The following SPHKAP variants were observed in gnomAD, a reference collection of about 807,000 sequenced individuals.
SPHKAP encodes SPHK1 interactor, AKAP domain containing.
A neutral mutation model predicts 137.5 loss-of-function variants in SPHKAP; 67 were observed. The ratio of observed to expected loss-of-function variants is 0.49; its 90% CI spans 0.40 to 0.60. The LOEUF (loss-of-function observed/expected upper bound fraction) is 0.60. Among genes scored for constraint, SPHKAP ranks in the 20% least tolerant of loss-of-function variants. SPHKAP has a pLI of 0.00. For missense variants in SPHKAP, 2,097 were observed against 2,069.3 expected, an observed-to-expected ratio of 1.01 and a Z score of -0.26; for synonymous variants, 813 against 785.3, an observed-to-expected ratio of 1.04 and a Z score of -0.59.
At chr2:228,016,299 G>A in intron 7 of SPHKAP, 107 bp downstream of exon 7, 1 of 1,432,088 alleles carries the variant, frequency 7.0e-7, no homozygotes, top group South Asian at 1.6e-5. Context: ...TGAAAATTTA[G>A]TTCTTGCACC....
chr2:227,990,886 G>C, intron 11 of SPHKAP, 114 bp downstream of exon 11: 1 of 1,062,286 alleles, frequency 9.4e-7, no homozygotes, highest in Non-Finnish European at 1.4e-6. Context: ...TTAAGATCAA[G>C]AACAGTCAGG....
intron 1 of SPHKAP, among the ~76,000 whole-genome samples, chr2:228,143,535 G>A (rs376974211): frequency 1.3e-5 from 2 of 151,000 alleles, no homozygotes; most frequent in African/African-American, 2.4e-5. Context: ...TCACTCTGTC[G>A]CCCAGGCTGG....
intron 7 of SPHKAP, among the ~76,000 whole-genome samples, chr2:228,012,876 T>A (rs974962733): frequency 6.6e-6 from 1 of 152,246 alleles, no homozygotes; most frequent in Non-Finnish European, 1.5e-5. Context: ...AGAAGTCCAA[T>A]AAATTCTGAA....
At chr2:227,999,877 C>G (rs1244195178) in intron 7 of SPHKAP, among the ~76,000 whole-genome samples, 2 of 152,190 alleles carry the variant, frequency 1.3e-5, no homozygotes, top group Admixed American at 1.3e-4. Flanking sequence ...ATTCAGAAGA[C>G]TATGTCATAT....
chr2:228,057,013 T>C (rs1421935614), intron 3 of SPHKAP, among the ~76,000 whole-genome samples: 1 of 152,184 alleles, frequency 6.6e-6, no homozygotes, highest in African/African-American at 2.4e-5. Context: ...AACTTAAGCA[T>C]GCGCTCTCAA....
At chr2:228,140,451 T>C (rs1699570086) in intron 1 of SPHKAP, among the ~76,000 whole-genome samples, 1 of 152,172 alleles carries the variant, frequency 6.6e-6, no homozygotes, top group Non-Finnish European at 1.5e-5. Context: ...CTCTGATATA[T>C]GATCTTCTTC....
At chr2:228,149,638 G>A (rs112488610) in intron 1 of SPHKAP, among the ~76,000 whole-genome samples, 1 of 152,126 alleles carries the variant, frequency 6.6e-6, no homozygotes, top group Non-Finnish European at 1.5e-5. Context: ...ATTCTCTCTG[G>A]AAAGGTCTTG....
At chr2:228,036,860 A>G (rs1695633321) in intron 3 of SPHKAP, among the ~76,000 whole-genome samples, 1 of 151,816 alleles carries the variant, frequency 6.6e-6, no homozygotes, top group African/African-American at 2.4e-5. Flanking sequence ...AGGAAGGGGA[A>G]CATCACACTC....
rs778532561 is a variant in SPHKAP, at chr2:228,017,503, G to A, written c.3351C>T (p.Ser1117=). 3.1e-6 allele frequency: 5 copies of A among 1,613,472 alleles called. No individual in the cohort carries two copies. The highest frequency in any genetic ancestry group is 4.2e-6 in the Non-Finnish European group (5 of 1,179,836). Residue 1117 remains serine (S), a synonymous_variant, in exon 7 of 12, where the codon TCC becomes TCT. Transcript: ENST00000392056. ...TGATGCTCTCACAGCTCGACTGCTTGGAGACAGAGCTGGCCCTGCTGACCG... is the reference window on the plus strand; with the variant it reads ...TGATGCTCTCACAGCTCGACTGCTTAGAGACAGAGCTGGCCCTGCTGACCG... The part of the protein sequence containing the change: ...SQPVSRASSV[S]KQSSCESITD...
In SPHKAP at chr2:228,018,677, T is replaced by C; in HGVS notation, c.2177A>G (p.His726Arg). Residue 726 changes from histidine to arginine, a missense_variant, in exon 7 of 12, where the codon CAT (histidine) becomes CGT (arginine). Physicochemically the swap from His to Arg is conservative, Grantham distance 29. Coordinates refer to ENST00000392056, the MANE Select transcript of SPHKAP (RefSeq NM_001142644.2). ...AGGACATTCACCAAGCCGTACAATA[T>C]GACTCATCTTCTTGAACGTGAAGCA... ...VICFTFKKMS[H>R]IVRLGECPAV... 1.9e-6 allele frequency: 3 copies of C among 1,614,200 alleles called. No individual in the cohort carries two copies. Among genetic ancestry groups the C allele is most frequent in the Non-Finnish European group, 2.5e-6 (3 of 1,180,024 alleles).
At chr2:228,146,700 A>G (rs1699785882) in intron 1 of SPHKAP, among the ~76,000 whole-genome samples, 1 of 152,220 alleles carries the variant, frequency 6.6e-6, no homozygotes, top group Non-Finnish European at 1.5e-5. Flanking sequence ...AATAGTCTCC[A>G]GTTCCACGCG....
Position 227,993,593 on chromosome 2 carries a change from A to G in SPHKAP, c.4662T>C (p.Ser1554=), listed in dbSNP as rs1312306262. ...MSNGNSSATS[S]LGIMDLDIYQ... The stretch of plus-strand genomic sequence containing the variant: ...AAATGTCCAGATCCATAATGCCAAG[A>G]CTGCTAGTGGCACTACTGTTGCCAT... Residue 1554 remains serine, a synonymous_variant, in exon 9 of 12, where the codon AGT becomes AGC. Transcript: ENST00000392056. The G allele has an allele frequency of 6.2e-7, 1 of 1,601,444 alleles. No individual in the cohort carries two copies. Among genetic ancestry groups the G allele is most frequent in the South Asian group, 1.1e-5 (1 of 88,188 alleles).
intron 3 of SPHKAP, among the ~76,000 whole-genome samples, chr2:228,104,912 A>G (rs1187189865): frequency 6.6e-6 from 1 of 152,218 alleles, no homozygotes. Flanking sequence ...AAATTCTAGT[A>G]AACATAAAAA....
chr2:228,098,383 C>T (rs945402725), intron 3 of SPHKAP, among the ~76,000 whole-genome samples: 2 of 151,974 alleles, frequency 1.3e-5, no homozygotes, highest in African/African-American at 4.8e-5. Context: ...CAATGATAGA[C>T]TGAATTAAGA....
chr2:228,033,048 T>C (rs565960240), intron 3 of SPHKAP, among the ~76,000 whole-genome samples: 156 of 152,266 alleles, frequency 1.0e-3, no homozygotes, highest in Middle Eastern at 3.4e-3. Context: ...TAAATGTAAA[T>C]GGGCTAAATG....
intron 5 of SPHKAP, among the ~76,000 whole-genome samples, chr2:228,023,438 G>A (rs1694914086): frequency 6.6e-6 from 1 of 152,218 alleles, no homozygotes; most frequent in African/African-American, 2.4e-5. Context: ...ATCTGTTGGA[G>A]ATGTGTACAT....
chr2:228,082,208 A>G (rs1197314173), intron 3 of SPHKAP, among the ~76,000 whole-genome samples: 2 of 152,188 alleles, frequency 1.3e-5, no homozygotes, highest in African/African-American at 2.4e-5. Context: ...CATTTTCCCA[A>G]TTAATCCATT....
chr2:228,094,245 C>T (rs1697911411), intron 3 of SPHKAP, among the ~76,000 whole-genome samples: 1 of 152,188 alleles, frequency 6.6e-6, no homozygotes, highest in Admixed American at 6.5e-5. Context: ...GATGTATTCA[C>T]TGCTAAGAGC....
intron 4 of SPHKAP, among the ~76,000 whole-genome samples, chr2:228,027,116 A>G (rs1695071989): frequency 6.6e-6 from 1 of 152,222 alleles, no homozygotes; most frequent in African/African-American, 2.4e-5. Context: ...AGCCAAGGGT[A>G]CAGGTAAAGC....
Sources: gnomAD v4.1 joint callset for allele counts (sites outside exome capture counted in the v4.1 genomes callset) on GRCh38, gnomAD v4.1.1 for gene constraint, MANE v1.5 for transcripts, NCBI Gene and HGNC (gene_info 2026-07-23, HGNC 2026-07-21) for gene names.